Variants in TTLL9 observed in about 807,000 individuals in gnomAD.
TTLL9 encodes tubulin tyrosine ligase like 9, also known as probable tubulin polyglutamylase TTLL9.
A neutral mutation model predicts 65.6 loss-of-function variants in TTLL9; 47 were observed. The ratio of observed to expected loss-of-function variants is 0.72; its 90% CI spans 0.57 to 0.91. TTLL9 has a LOEUF of 0.91. Among genes scored for constraint, TTLL9 ranks in the 40% least tolerant of loss-of-function variants. The pLI is 0.00. For synonymous variants in TTLL9, 179 were observed against 204.8 expected (o/e 0.87, Z 1.07); for missense variants, 537 against 568.8 (o/e 0.94, Z 0.57).
intron 4 of TTLL9, among the ~76,000 whole-genome samples, chr20:31,908,311 T>C (rs1312082183): frequency 3.3e-5 from 5 of 152,122 alleles, no homozygotes; most frequent in African/African-American, 9.7e-5. Context: ...GGGTGGCTGC[T>C]CCTCAGCCCA....
intron 2 of TTLL9, among the ~76,000 whole-genome samples, chr20:31,879,152 C>CT (rs1346127423): frequency 6.6e-6 from 1 of 152,128 alleles, no homozygotes; most frequent in Non-Finnish European, 1.5e-5. Context: ...GAAACCCTGT[C>CT]TTTACTAAAA....
intron 12 of TTLL9, among the ~76,000 whole-genome samples, chr20:31,936,677 C>G (rs952188303): frequency 6.6e-6 from 1 of 152,180 alleles, no homozygotes; most frequent in Non-Finnish European, 1.5e-5. Flanking sequence ...GTGCCACCTA[C>G]AGTGTGCAAA....
At chr20:31,927,152 A>G (rs1159662210) in intron 10 of TTLL9, among the ~76,000 whole-genome samples, 2 of 151,628 alleles carry the variant, frequency 1.3e-5, no homozygotes, top group Non-Finnish European at 2.9e-5. Flanking sequence ...GTCTATATAT[A>G]TATGTTTGCT....
intron 10 of TTLL9, among the ~76,000 whole-genome samples, chr20:31,931,607 G>A (rs1285312271): frequency 2.6e-5 from 4 of 152,166 alleles, no homozygotes; most frequent in African/African-American, 9.7e-5. Context: ...TTTCATTATA[G>A]CCATCCTAGT....
chr20:31,938,259 A>G, intron 13 of TTLL9: 2 of 456,028 alleles, frequency 4.4e-6, no homozygotes, highest in South Asian at 3.1e-5. Context: ...ACTCTGCTTG[A>G]CCAGGTATAG....
chr20:31,911,972 C>T (rs185717526), intron 6 of TTLL9, among the ~76,000 whole-genome samples: 13 of 152,100 alleles, frequency 8.5e-5, no homozygotes, highest in Middle Eastern at 3.4e-3. Flanking sequence ...TCTGTGTCCA[C>T]TGCTTACAAG....
chr20:31,939,267 G>T lies in TTLL9; in HGVS notation c.1243+1G>T. On this transcript the variant is annotated splice_donor_variant, in intron 14 of 14. Transcript: ENST00000535842. LOFTEE classifies it high-confidence loss of function. ...AACTTTGTGACCAACACACATCTCG[G>T]TATGTAGGGCCAGGTGGGGAGTGGG... The T allele has an allele frequency of 6.2e-7, 1 of 1,613,460 alleles. No homozygotes were observed.
intron 10 of TTLL9, among the ~76,000 whole-genome samples, chr20:31,927,625 T>C (rs1188756717): frequency 3.3e-5 from 5 of 152,160 alleles, no homozygotes; most frequent in African/African-American, 1.2e-4. Flanking sequence ...GAATGTATTA[T>C]CTGGTCAAAA....
chr20:31,894,230 G>T (rs1427562295), intron 3 of TTLL9, among the ~76,000 whole-genome samples: 4 of 148,546 alleles, frequency 2.7e-5, no homozygotes, highest in African/African-American at 1.0e-4. Flanking sequence ...CAGCTCCCCA[G>T]GTAGCTGGGA....
chr20:31,887,239 G>C lies in TTLL9; in HGVS notation c.113G>C (p.Arg38Pro). The stretch of plus-strand genomic sequence containing the variant: ...CATGGATTGTCAAAGGGAAAAGAGC[G>C]GTGAGTGGTCCCATCCAATCCAACA... ...KGHGLSKGKE[R>P]EQRASIRFKT... The change falls in exon 3 of 15, where the codon CGA (arginine) becomes CCA (proline). Residue 38 changes from arginine to proline, a missense_variant and splice_region_variant. This residue lies in a region of TTLL9 where 320 missense variants were observed against 311.0 expected (regional missense o/e 1.03). Coordinates refer to ENST00000535842, the MANE Select transcript of TTLL9 (RefSeq NM_001008409.5). The C allele has an allele frequency of 6.2e-7, 1 of 1,614,116 alleles. No homozygotes were observed. Among genetic ancestry groups the C allele is most frequent in the Non-Finnish European group, 8.5e-7 (1 of 1,180,006 alleles).
chr20:31,902,860 C>T (rs996674919), intron 4 of TTLL9, among the ~76,000 whole-genome samples: 1 of 151,838 alleles, frequency 6.6e-6, no homozygotes, highest in Non-Finnish European at 1.5e-5. Context: ...ATTATTCATC[C>T]ATTTATTTAT....
intron 14 of TTLL9, chr20:31,940,078 A>C (rs2064179376): frequency 6.6e-6 from 1 of 152,202 alleles, no homozygotes; most frequent in Non-Finnish European, 1.5e-5. Context: ...CTTTCACATT[A>C]AGCTCGGCTG....
intron 2 of TTLL9, among the ~76,000 whole-genome samples, chr20:31,882,119 G>A (rs2063126363): frequency 6.6e-6 from 1 of 152,172 alleles, no homozygotes; most frequent in African/African-American, 2.4e-5. Flanking sequence ...TATACTTTGT[G>A]TACCCTCACG....
At chr20:31,932,341 G>A (rs2064030352) in intron 10 of TTLL9, among the ~76,000 whole-genome samples, 2 of 152,040 alleles carry the variant, frequency 1.3e-5, no homozygotes, top group East Asian at 3.9e-4. Context: ...GCATGATGGT[G>A]CTTGCCTGTA....
At chr20:31,884,218 A>AT (rs979579341) in intron 2 of TTLL9, 5 of 386,434 alleles carry the variant, frequency 1.3e-5, no homozygotes, top group African/African-American at 4.2e-5. Flanking sequence ...CCTTATAGTT[A>AT]TTATTTATTT....
chr20:31,940,651 AC>A (rs1435926678), intron 14 of TTLL9: 1 of 152,154 alleles, frequency 6.6e-6, no homozygotes, highest in Non-Finnish European at 1.5e-5. Context: ...GGCTGCAGGC[AC>A]CTGGCAGATT....
chr20:31,919,794 C>G (rs1003821003), intron 6 of TTLL9, 70 bp from the exon 7 acceptor site: 2 of 1,334,068 alleles, frequency 1.5e-6, no homozygotes, highest in Non-Finnish European at 2.0e-6. Context: ...GGGGAGAGCC[C>G]CCAGCCACGG....
At position 31,879,261 on chromosome 20, in the gene TTLL9, C is replaced by A. The variant is rs111782613; in HGVS notation, c.70-7935C>A. 1.7e-3 allele frequency among the ~76,000 whole-genome samples: 254 copies of A among 152,358 alleles called. 3 individuals are homozygous for A. Among genetic ancestry groups the A allele is most frequent in the African/African-American group, 5.9e-3 (247 of 41,586 alleles). ...ACTTGAGCCCAGGAGGCAGAGGCTG[C>A]AGTGAGCCCAGATCGCGCCAATGCA... On this transcript the variant is annotated intron_variant, in intron 2 of 14. Transcript: ENST00000535842.
intron 4 of TTLL9, among the ~76,000 whole-genome samples, chr20:31,900,953 C>T (rs2063469433): frequency 6.6e-6 from 1 of 152,212 alleles, no homozygotes; most frequent in African/African-American, 2.4e-5. Context: ...TGGCTGGTCC[C>T]AGATTGTCTC....
Sources: allele counts gnomAD v4.1 joint callset (sites outside exome capture counted in the v4.1 genomes callset), GRCh38; gene constraint gnomAD v4.1.1; regional missense constraint gnomAD v4.1.1; transcripts MANE v1.5; gene names NCBI Gene and HGNC (gene_info 2026-07-23, HGNC 2026-07-21).